ADAM29: variants seen among roughly 807,000 people sequenced by gnomAD.
The protein encoded by ADAM29 is ADAM metallopeptidase domain 29.
For missense variants in ADAM29, 969 were observed against 1,001.8 expected, an observed-to-expected ratio of 0.97 and a Z score of 0.44; for synonymous variants, 367 against 342.3, an observed-to-expected ratio of 1.07 and a Z score of -0.80.
At chr4:174,932,588 T>C (rs1398687397) in intron 3 of ADAM29, among the ~76,000 whole-genome samples, 4 of 152,180 alleles carry the variant, frequency 2.6e-5, no homozygotes, top group Non-Finnish European at 5.9e-5. Flanking sequence ...ATTATCACAT[T>C]GGGGTTTAAG....
chr4:174,949,123 G>A (rs1195006983), intron 4 of ADAM29, among the ~76,000 whole-genome samples: 6 of 152,118 alleles, frequency 3.9e-5, no homozygotes, highest in Non-Finnish European at 7.4e-5. Flanking sequence ...TTGGGTAACC[G>A]AGGCTGCACT....
Position 174,977,859 on chromosome 4 carries a change from A to G in ADAM29, c.2334A>G (p.Gln778=). The change falls in exon 5 of 5, where the codon CAA becomes CAG. Residue 778 remains glutamine, a synonymous_variant. Transcript: ENST00000359240. Reference sequence around the variant, plus strand: ...CTCGGGTGATGCCTTCTCAGAGTCAACCTCCTGTGATGCCTTCCCAGAGTC... The same window carrying G: ...CTCGGGTGATGCCTTCTCAGAGTCAGCCTCCTGTGATGCCTTCCCAGAGTC... ...SQPRVMPSQS[Q]PPVMPSQSHP... The G allele has an allele frequency of 1.9e-6, 3 of 1,586,774 alleles. No homozygotes were observed. Among genetic ancestry groups the G allele is most frequent in the Non-Finnish European group, 1.7e-6 (2 of 1,165,542 alleles).
chr4:174,948,978 C>T (rs1445643920), intron 4 of ADAM29, among the ~76,000 whole-genome samples: 1 of 152,016 alleles, frequency 6.6e-6, no homozygotes, highest in Admixed American at 6.6e-5. Context: ...AAAAGCTGCA[C>T]GGGGAGTCTT....
intron 3 of ADAM29, among the ~76,000 whole-genome samples, chr4:174,933,503 G>A (rs1744024712): frequency 6.6e-6 from 1 of 152,078 alleles, no homozygotes. Context: ...AGGTTCAGGG[G>A]TACACGAGCA....
chr4:174,949,073 G>C (rs1490537614), intron 4 of ADAM29, among the ~76,000 whole-genome samples: 1 of 152,094 alleles, frequency 6.6e-6, no homozygotes, highest in Non-Finnish European at 1.5e-5. Flanking sequence ...TGGTCTTCTG[G>C]CAAAGGAGCT....
At position 174,924,656 on chromosome 4, in the gene ADAM29, A is replaced by G. The variant is rs531624724; in HGVS notation, c.-451+3864A>G. On this transcript the variant is annotated intron_variant, in intron 2 of 4. Coordinates refer to ENST00000359240, the MANE Select transcript of ADAM29 (RefSeq NM_014269.4). ...AAAGAAATGAACCATTAAGCAATGAAAAGACATGGATGAACCTGAAGTGCA... is the reference window on the plus strand; with the variant it reads ...AAAGAAATGAACCATTAAGCAATGAGAAGACATGGATGAACCTGAAGTGCA... Among the ~76,000 whole-genome samples, 9 of 152,366 alleles carry G rather than the reference A, an allele frequency of 5.9e-5. No individual in the cohort carries two copies. The East Asian group carries it at 1.7e-3, about 29-fold the overall frequency.
intron 4 of ADAM29, among the ~76,000 whole-genome samples, chr4:174,971,553 T>C (rs888169520): frequency 1.2e-4 from 18 of 152,296 alleles, no homozygotes; most frequent in African/African-American, 4.1e-4. Flanking sequence ...GCCTGCAAGG[T>C]TTCTGCTGAA....
At chr4:174,968,616 A>T (rs1306603679) in intron 4 of ADAM29, among the ~76,000 whole-genome samples, 1 of 152,184 alleles carries the variant, frequency 6.6e-6, no homozygotes, top group East Asian at 1.9e-4. Context: ...CATTCATGTC[A>T]TGTTCTATTC....
chr4:174,977,586 G>A lies in ADAM29; in HGVS notation c.2061G>A (p.Leu687=). ...CYLCILLLIV[L]FILLCCLYRL... ...TGTGTATATTGTTGCTTATTGTTTT[G>A]TTTATTTTATTATGTTGTCTTTATC... The change falls in exon 5 of 5, where the codon TTG becomes TTA. Residue 687 remains leucine, a synonymous_variant. Transcript: ENST00000359240. The A allele has an allele frequency of 1.2e-6, 2 of 1,613,456 alleles. No individual in the cohort carries two copies. Among genetic ancestry groups the A allele is most frequent in the Non-Finnish European group, 1.7e-6 (2 of 1,179,774 alleles).
intron 4 of ADAM29, among the ~76,000 whole-genome samples, chr4:174,941,890 A>G (rs1744560613): frequency 6.6e-6 from 1 of 152,234 alleles, no homozygotes; most frequent in South Asian, 2.1e-4. Context: ...CCTGCAAAGT[A>G]AAAAAGTTAG....
intron 4 of ADAM29, among the ~76,000 whole-genome samples, chr4:174,968,409 A>G (rs1216072850): frequency 3.9e-5 from 6 of 152,306 alleles, no homozygotes; most frequent in African/African-American, 1.4e-4. Context: ...GCCCATGCCA[A>G]CTGTGGATCA....
chr4:174,925,208 C>G (rs1002842259), intron 2 of ADAM29, among the ~76,000 whole-genome samples: 2 of 152,098 alleles, frequency 1.3e-5, no homozygotes, highest in African/African-American at 2.4e-5. Flanking sequence ...CACAAACAGA[C>G]ATTAGCAAAA....
In ADAM29 at chr4:174,976,877, C is replaced by T. The variant is rs1168327312; in HGVS notation, c.1352C>T (p.Ser451Leu). 1.2e-6 allele frequency: 2 copies of T among 1,614,142 alleles called. No individual in the cohort carries two copies. Among genetic ancestry groups the T allele is most frequent in the Admixed American group, 3.3e-5 (2 of 60,010 alleles). Residue 451 changes from serine to leucine, a missense_variant, in exon 5 of 5, where the codon TCA (serine) becomes TTA (leucine). Ser to Leu is a moderately radical substitution (Grantham distance 145, BLOSUM62 -2). Coordinates refer to ENST00000359240, the MANE Select transcript of ADAM29 (RefSeq NM_014269.4). ...TGCAAAGACTGCAAGTTCCTACCATCAGGGAAAGTGTGTAGAAAGGAGGTC... is the reference window on the plus strand; with the variant it reads ...TGCAAAGACTGCAAGTTCCTACCATTAGGGAAAGTGTGTAGAAAGGAGGTC... Reference protein sequence around the residue: ...LCCKDCKFLPSGKVCRKEVNE... With the variant: ...LCCKDCKFLPLGKVCRKEVNE...
intron 2 of ADAM29, among the ~76,000 whole-genome samples, chr4:174,923,620 A>G (rs868127169): frequency 1.7e-4 from 25 of 149,512 alleles, no homozygotes; most frequent in African/African-American, 5.2e-4. Flanking sequence ...CCTTTCATTA[A>G]TCAGATAACA....
At chr4:174,922,461 G>A (rs1040082613) in intron 2 of ADAM29, among the ~76,000 whole-genome samples, 5 of 152,160 alleles carry the variant, frequency 3.3e-5, no homozygotes, top group Non-Finnish European at 5.9e-5. Flanking sequence ...TAAACTGGTA[G>A]TAACATTTAT....
chr4:174,969,944 T>G (rs77748102), intron 4 of ADAM29, among the ~76,000 whole-genome samples: 2,691 of 152,222 alleles, frequency 0.018, 35 homozygotes, highest in Non-Finnish European at 0.028. Context: ...TATTGCCACA[T>G]TTTCTCTGCA....
At position 174,976,254 on chromosome 4, in the gene ADAM29, GTTA is replaced by G. The variant is rs761341222; in HGVS notation, c.735_737del (p.Leu245del). The G allele has an allele frequency of 2.7e-5, 44 of 1,608,534 alleles. No homozygotes were observed. Among genetic ancestry groups the G allele is most frequent in the Admixed American group, 3.4e-5 (2 of 58,882 alleles). On this transcript the variant is annotated inframe_deletion, in exon 5 of 5. Coordinates refer to ENST00000359240, the MANE Select transcript of ADAM29 (RefSeq NM_014269.4). Reference sequence around the variant, plus strand: ...TTTTGGATGTCATTGGTGTTAAGGTGTTATTATTTGGTTTGGAGATCTGGACCA... The same window carrying G: ...TTTTGGATGTCATTGGTGTTAAGGTGTTATTTGGTTTGGAGATCTGGACCA...
intron 4 of ADAM29, among the ~76,000 whole-genome samples, chr4:174,968,989 G>A (rs911376620): frequency 2.1e-5 from 3 of 144,848 alleles, no homozygotes; most frequent in African/African-American, 5.3e-5. Flanking sequence ...TTTGCATAAG[G>A]GGATTGGTTC....
intron 3 of ADAM29, among the ~76,000 whole-genome samples, chr4:174,935,486 C>T (rs1446218313): frequency 1.3e-5 from 2 of 152,054 alleles, no homozygotes; most frequent in East Asian, 3.9e-4. Flanking sequence ...CCTACTACCC[C>T]ATTCATAGTG....
Sources: allele counts gnomAD v4.1 joint callset (sites outside exome capture counted in the v4.1 genomes callset), GRCh38; gene constraint gnomAD v4.1.1; transcripts MANE v1.5; gene names NCBI Gene and HGNC (gene_info 2026-07-23, HGNC 2026-07-21).